SNX29: variants seen among roughly 807,000 people sequenced by gnomAD.
SNX29 encodes sorting nexin-29.
A neutral mutation model predicts 102.1 loss-of-function variants in SNX29; 78 were observed. The ratio of observed to expected loss-of-function variants is 0.76; its 90% CI spans 0.64 to 0.92. The LOEUF (loss-of-function observed/expected upper bound fraction) is 0.92, where lower values mean the gene tolerates loss of function less well. SNX29 is among the 40% of genes least tolerant of loss of function. The pLI is 0.00. For synonymous variants in SNX29, 580 were observed against 414.5 expected (o/e 1.40, Z -4.85); for missense variants, 1,280 against 1,061.7 (o/e 1.21, Z -2.86).
chr16:12,102,412 A>G (rs1019244625), intron 11 of SNX29, among the ~76,000 whole-genome samples: 1 of 152,182 alleles, frequency 6.6e-6, no homozygotes, highest in Non-Finnish European at 1.5e-5. Flanking sequence ...ATTACTCCAC[A>G]TCCTCTCCAG....
chr16:12,519,318 G>A (rs1019313096), intron 19 of SNX29, among the ~76,000 whole-genome samples: 8 of 152,208 alleles, frequency 5.3e-5, no homozygotes, highest in Admixed American at 2.0e-4. Context: ...GGGGAGTCCA[G>A]TCTGAACAGT....
intron 20 of SNX29, chr16:12,526,556 G>T (rs72773326): frequency 0.011 from 5,764 of 527,280 alleles, 45 homozygotes; most frequent in Non-Finnish European, 0.015. Context: ...CCAGGGACTG[G>T]ATCTCACTGT....
intron 13 of SNX29, among the ~76,000 whole-genome samples, chr16:12,188,563 A>T (rs933249087): frequency 3.9e-5 from 6 of 152,088 alleles, no homozygotes; most frequent in African/African-American, 1.4e-4. Context: ...TCTGTAATTA[A>T]TTACCTTCTT....
intron 15 of SNX29, among the ~76,000 whole-genome samples, chr16:12,281,196 A>T (rs1235949418): frequency 2.0e-5 from 3 of 152,206 alleles, no homozygotes; most frequent in African/African-American, 7.2e-5. Context: ...TCACAAGTGT[A>T]TGCCATTGTG....
chr16:12,073,366 G>A (rs1402427173), intron 10 of SNX29, among the ~76,000 whole-genome samples: 1 of 151,992 alleles, frequency 6.6e-6, no homozygotes, highest in African/African-American at 2.4e-5. Context: ...ATTCTGGTAT[G>A]TTGTGTCTTT....
intron 20 of SNX29, among the ~76,000 whole-genome samples, chr16:12,565,329 C>A (rs1005637570): frequency 1.3e-5 from 2 of 152,196 alleles, no homozygotes; most frequent in Admixed American, 1.3e-4. Flanking sequence ...GCTCAGCAGT[C>A]TGGGTTTTCC....
At chr16:12,412,919 T>C (rs62028371) in intron 18 of SNX29, among the ~76,000 whole-genome samples, 11,204 of 152,320 alleles carry the variant, frequency 0.074, 592 homozygotes, top group East Asian at 0.19. Context: ...CTCATGTTTC[T>C]GCTGTGTCTC....
chr16:12,487,462 G>T (rs1332003719), intron 19 of SNX29, among the ~76,000 whole-genome samples: 1 of 152,142 alleles, frequency 6.6e-6, no homozygotes, highest in Non-Finnish European at 1.5e-5. Flanking sequence ...TGAGGAAACT[G>T]GGGCTGAGGG....
chr16:12,259,320 G>T (rs1335352907), intron 14 of SNX29, among the ~76,000 whole-genome samples: 1 of 152,168 alleles, frequency 6.6e-6, no homozygotes, highest in South Asian at 2.1e-4. Context: ...CTGGCTGCTC[G>T]TTCTACCCCG....
chr16:12,213,420 C>T (rs920091862), intron 14 of SNX29, among the ~76,000 whole-genome samples: 5 of 152,080 alleles, frequency 3.3e-5, no homozygotes, highest in East Asian at 1.9e-4. Flanking sequence ...CAGACTTTGC[C>T]GCTACACAGT....
At chr16:12,039,592 G>A (rs2057571395) in intron 4 of SNX29, among the ~76,000 whole-genome samples, 1 of 152,088 alleles carries the variant, frequency 6.6e-6, no homozygotes, top group Admixed American at 6.6e-5. Flanking sequence ...CTTCTGGAAG[G>A]CAGGTTCAAA....
chr16:12,366,973 T>A (rs2082509729), intron 16 of SNX29: 1 of 152,236 alleles, frequency 6.6e-6, no homozygotes, highest in Non-Finnish European at 1.5e-5. Flanking sequence ...AGATTTACAT[T>A]GCTGTATGTT....
chr16:12,355,875 A>AAGAG (rs1393351264), intron 15 of SNX29, among the ~76,000 whole-genome samples: 3 of 136,062 alleles, frequency 2.2e-5, no homozygotes, highest in Non-Finnish European at 4.8e-5. Flanking sequence ...AAAAAAAAAA[A>AAGAG]AGAGAGAGGA....
chr16:12,034,307 C>A (rs1277451997), intron 4 of SNX29, among the ~76,000 whole-genome samples: 1 of 152,168 alleles, frequency 6.6e-6, no homozygotes, highest in East Asian at 1.9e-4. Context: ...CTCGCCCATC[C>A]CTGCTTTCGG....
intron 19 of SNX29, among the ~76,000 whole-genome samples, chr16:12,487,995 G>GA (rs987074894): frequency 7.2e-5 from 11 of 151,808 alleles, no homozygotes; most frequent in African/African-American, 1.5e-4. Context: ...CATCTTGCCA[G>GA]AAAAAAAACA....
At chr16:12,299,388 G>T (rs547309357) in intron 15 of SNX29, among the ~76,000 whole-genome samples, 18 of 152,166 alleles carry the variant, frequency 1.2e-4, no homozygotes, top group African/African-American at 4.3e-4. Context: ...TATTCAAGTT[G>T]TCCTATCTTC....
In SNX29 at chr16:12,043,041, A is replaced by G. The variant is rs1163872987; in HGVS notation, c.392A>G (p.Tyr131Cys). ...CALNEHSLER[Y>C]LHMLLADRCR... ...CTCAACGAACACTCCCTGGAGCGCT[A>G]CCTGCACATGCTCCTGGCCGACCGC... is the stretch of plus-strand genomic sequence containing the variant. Residue 131 changes from tyrosine to cysteine, a missense_variant, in exon 5 of 21, where the codon TAC (tyrosine) becomes TGC (cysteine). Tyr to Cys is a radical substitution (Grantham distance 194). Coordinates refer to ENST00000566228, the MANE Select transcript of SNX29 (RefSeq NM_032167.5). 1.3e-5 allele frequency: 21 copies of G among 1,613,352 alleles called. No homozygotes were observed. Among genetic ancestry groups the G allele is most frequent in the Non-Finnish European group, 1.8e-5 (21 of 1,179,872 alleles).
intron 3 of SNX29, among the ~76,000 whole-genome samples, chr16:12,027,018 T>C (rs191766792): frequency 4.1e-4 from 62 of 152,268 alleles, no homozygotes; most frequent in East Asian, 1.9e-4. Flanking sequence ...TTCCCCCCTC[T>C]GCACCCCCGC....
chr16:12,346,347 G>C (rs31678), intron 15 of SNX29, among the ~76,000 whole-genome samples: 1 of 152,086 alleles, frequency 6.6e-6, no homozygotes, highest in South Asian at 2.1e-4. Flanking sequence ...AGTACTTTAC[G>C]TAACCCTAAG....
Sources: allele counts gnomAD v4.1 joint callset (sites outside exome capture counted in the v4.1 genomes callset), GRCh38; gene constraint gnomAD v4.1.1; transcripts MANE v1.5; gene names NCBI Gene and HGNC (gene_info 2026-07-23, HGNC 2026-07-21).